Variants in RABGAP1L observed in about 807,000 individuals in gnomAD.
The protein encoded by RABGAP1L is RAB GTPase activating protein 1 like.
A neutral mutation model predicts 137.7 loss-of-function variants in RABGAP1L; 63 were observed. That is an observed-to-expected ratio of 0.46 (90% CI 0.37 to 0.56). The LOEUF (loss-of-function observed/expected upper bound fraction) is 0.56, where lower values mean the gene tolerates loss of function less well. RABGAP1L is among the 20% of genes least tolerant of loss of function. RABGAP1L has a pLI of 0.00. For synonymous variants in RABGAP1L, 431 were observed against 433.7 expected (o/e 0.99, Z 0.08); for missense variants, 1,095 against 1,244.0 (o/e 0.88, Z 1.80).
chr1:174,545,322 G>A (rs1304514045), intron 13 of RABGAP1L: 1 of 13,876 alleles, frequency 7.2e-5, no homozygotes, highest in Non-Finnish European at 1.3e-4. Context: ...CCCTCCCTCA[G>A]CCTTGCTGAC....
At chr1:174,759,421 C>G (rs1685038136) in intron 18 of RABGAP1L, among the ~76,000 whole-genome samples, 1 of 151,530 alleles carries the variant, frequency 6.6e-6, no homozygotes, top group Non-Finnish European at 1.5e-5. Context: ...ATAGTGAAAC[C>G]CTGTCTCTAC....
chr1:174,664,730 C>CTTTTTTTTTT lies in RABGAP1L; in HGVS notation c.1825-18789_1825-18788insTTTTTTTTTT, dbSNP rs747671420. 5.2e-3 allele frequency among the ~76,000 whole-genome samples: 510 copies of CTTTTTTTTTT among 98,776 alleles called. 81 individuals are homozygous for CTTTTTTTTTT. The highest frequency in any genetic ancestry group is 0.027 in the African/African-American group (426 of 15,584). 64.8% of individuals were successfully genotyped at this position (98,776 alleles called of 152,430 possible). A position where few individuals can be genotyped will look rare whatever the true frequency, so the allele number is the denominator to read the frequency against. On this transcript the variant is annotated intron_variant, in intron 14 of 25. Transcript: ENST00000681986. ...CTCTCTCTTTCTTTCTTTCTTTCTGCTTTCTTTTTTTTTTTTTTTTTTTTT... is the reference window on the plus strand; with the variant it reads ...CTCTCTCTTTCTTTCTTTCTTTCTGCTTTTTTTTTTTTTCTTTTTTTTTTTTTTTTTTTTT...
chr1:174,653,999 A>T (rs1675770994), intron 14 of RABGAP1L, among the ~76,000 whole-genome samples: 1 of 152,168 alleles, frequency 6.6e-6, no homozygotes, highest in Non-Finnish European at 1.5e-5. Flanking sequence ...GAAAATAGGG[A>T]AGGAGCTGGG....
At chr1:174,850,594 A>C (rs944691099) in intron 19 of RABGAP1L, among the ~76,000 whole-genome samples, 1 of 152,174 alleles carries the variant, frequency 6.6e-6, no homozygotes, top group African/African-American at 2.4e-5. Flanking sequence ...TGTTTACCTT[A>C]CGTTTTCAGT....
At chr1:174,578,540 A>G (rs1220562889) in intron 13 of RABGAP1L, among the ~76,000 whole-genome samples, 4 of 152,072 alleles carry the variant, frequency 2.6e-5, no homozygotes, top group Non-Finnish European at 5.9e-5. Context: ...GTTCAGAAAG[A>G]CCATTACTTA....
At chr1:174,387,098 C>A (rs569379268) in intron 12 of RABGAP1L, among the ~76,000 whole-genome samples, 8 of 152,168 alleles carry the variant, frequency 5.3e-5, no homozygotes, top group Non-Finnish European at 8.8e-5. Flanking sequence ...AACATAGTTT[C>A]TACCTTTGAG....
intron 13 of RABGAP1L, among the ~76,000 whole-genome samples, chr1:174,579,424 C>G (rs1668584582): frequency 6.6e-6 from 1 of 152,128 alleles, no homozygotes; most frequent in African/African-American, 2.4e-5. Flanking sequence ...CATTGTGAAT[C>G]TCTTTAAATT....
intron 19 of RABGAP1L, among the ~76,000 whole-genome samples, chr1:174,894,628 T>C (rs995456565): frequency 8.5e-5 from 13 of 152,240 alleles, no homozygotes. Flanking sequence ...TATGTTACAA[T>C]GTGTGCTCAC....
intron 13 of RABGAP1L, among the ~76,000 whole-genome samples, chr1:174,487,416 T>G (rs1320390109): frequency 6.6e-6 from 1 of 152,188 alleles, no homozygotes; most frequent in African/African-American, 2.4e-5. Context: ...TGTCTTGAAA[T>G]CTATTTTGTC....
At chr1:174,860,419 C>T (rs1458843465) in intron 19 of RABGAP1L, among the ~76,000 whole-genome samples, 1 of 151,888 alleles carries the variant, frequency 6.6e-6, no homozygotes, top group Non-Finnish European at 1.5e-5. Flanking sequence ...CACTACACTC[C>T]AATCTGGATA....
chr1:174,731,282 T>G (rs1682447487), intron 17 of RABGAP1L, among the ~76,000 whole-genome samples: 1 of 152,124 alleles, frequency 6.6e-6, no homozygotes, highest in Non-Finnish European at 1.5e-5. Flanking sequence ...AGTATCTTGA[T>G]TTTATCTGGT....
chr1:174,435,022 T>A (rs1653092385), intron 13 of RABGAP1L, among the ~76,000 whole-genome samples: 1 of 152,138 alleles, frequency 6.6e-6, no homozygotes, highest in Non-Finnish European at 1.5e-5. Flanking sequence ...TCCTAATAAG[T>A]CTTTGTCTAT....
At chr1:174,316,631 G>A (rs895427754) in intron 11 of RABGAP1L, among the ~76,000 whole-genome samples, 3 of 152,030 alleles carry the variant, frequency 2.0e-5, no homozygotes, top group East Asian at 1.9e-4. Flanking sequence ...TAAACAAACA[G>A]TCTCTCTCTG....
intron 18 of RABGAP1L, among the ~76,000 whole-genome samples, chr1:174,797,085 A>T (rs1360792715): frequency 2.6e-5 from 4 of 152,204 alleles, no homozygotes; most frequent in Non-Finnish European, 5.9e-5. Flanking sequence ...TGAGCATCAG[A>T]GCCAAACCAT....
chr1:174,898,863 A>G (rs1434488758), intron 19 of RABGAP1L, among the ~76,000 whole-genome samples: 1 of 152,250 alleles, frequency 6.6e-6, no homozygotes, highest in Admixed American at 6.5e-5. Flanking sequence ...AGCAAAGCAA[A>G]TGCCATTCCT....
intron 11 of RABGAP1L, among the ~76,000 whole-genome samples, chr1:174,338,702 ACT>A (rs1003353274): frequency 4.6e-5 from 7 of 151,864 alleles, no homozygotes; most frequent in African/African-American, 7.3e-5. Context: ...CTATAAATAT[ACT>A]CTCATTTTTA....
chr1:174,987,302 G>A (rs1017884356), intron 24 of RABGAP1L, among the ~76,000 whole-genome samples: 1 of 152,112 alleles, frequency 6.6e-6, no homozygotes, highest in African/African-American at 2.4e-5. Flanking sequence ...GAGTAGCTGG[G>A]ACTATAGGTG....
chr1:174,925,887 G>GT (rs1558240140), intron 19 of RABGAP1L, among the ~76,000 whole-genome samples: 2 of 52,688 alleles, frequency 3.8e-5, no homozygotes, highest in African/African-American at 6.9e-5. Flanking sequence ...TTTTTTTTTT[G>GT]TGTTTTTTTT....
chr1:174,581,961 G>A (rs1412412653), intron 13 of RABGAP1L, among the ~76,000 whole-genome samples: 1 of 152,186 alleles, frequency 6.6e-6, no homozygotes, highest in African/African-American at 2.4e-5. Context: ...CAGTGGGGTA[G>A]GAATATGGAA....
Sources: gnomAD v4.1 joint callset for allele counts (sites outside exome capture counted in the v4.1 genomes callset) on GRCh38, gnomAD v4.1.1 for gene constraint, MANE v1.5 for transcripts, NCBI Gene and HGNC (gene_info 2026-07-23, HGNC 2026-07-21) for gene names.